HTR2C: variants seen among roughly 807,000 people sequenced by gnomAD.
HTR2C encodes the protein 5-hydroxytryptamine (serotonin) receptor 2C, G protein-coupled.
Under a neutral mutation model 21.0 loss-of-function variants are expected in HTR2C, and 5 were observed. The observed-to-expected ratio is 0.24, with a 90% confidence interval of 0.12 to 0.50. HTR2C has a LOEUF of 0.50. Among genes scored for constraint, HTR2C ranks in the 20% least tolerant of loss-of-function variants. The pLI, the probability that HTR2C is intolerant of heterozygous loss-of-function variation, is 0.98. For synonymous variants in HTR2C, 150 were observed against 145.3 expected, an observed-to-expected ratio of 1.03 and a Z score of -0.23; for missense variants, 271 against 371.2, an observed-to-expected ratio of 0.73 and a Z score of 2.22.
chrX:114,742,434 A>C (rs2147357334), intron 4 of HTR2C, among the ~76,000 whole-genome samples: 1 of 111,319 alleles, frequency 9.0e-6, no homozygotes, highest in East Asian at 2.8e-4. Flanking sequence ...ATGAAAACAA[A>C]ATACATTGAA....
At chrX:114,801,167 GC>G (rs1235553756) in intron 4 of HTR2C, among the ~76,000 whole-genome samples, 1 of 111,021 alleles carries the variant, frequency 9.0e-6, no homozygotes, top group African/African-American at 3.3e-5. Context: ...TTTCTATGTT[GC>G]TTAAGCATAC....
intron 4 of HTR2C, among the ~76,000 whole-genome samples, chrX:114,847,392 A>T (rs1166755393): frequency 1.2e-5 from 1 of 83,578 alleles, no homozygotes; most frequent in Non-Finnish European, 2.3e-5. Flanking sequence ...AACAATGAGA[A>T]CACATGGACA....
intron 5 of HTR2C, among the ~76,000 whole-genome samples, chrX:114,856,553 A>G (rs977735471): frequency 9.5e-6 from 1 of 105,549 alleles, no homozygotes; most frequent in Non-Finnish European, 2.0e-5. Flanking sequence ...GAGGCATCAC[A>G]CTACCTGACT....
chrX:114,809,389 G>T (rs200837762), intron 4 of HTR2C, among the ~76,000 whole-genome samples: 18 of 98,743 alleles, frequency 1.8e-4, no homozygotes, highest in Middle Eastern at 5.3e-3. Context: ...CCTTTTTTTT[G>T]TTGTTTTTTT....
At chrX:114,775,297 C>G (rs1209670708) in intron 4 of HTR2C, 2 of 526,153 alleles carry the variant, frequency 3.8e-6, no homozygotes, top group Non-Finnish European at 6.9e-6. Context: ...CTCTTGTCCA[C>G]AGCAGAGACA....
intron 2 of HTR2C, among the ~76,000 whole-genome samples, chrX:114,645,138 T>C (rs1930314556): frequency 9.0e-6 from 1 of 110,805 alleles, no homozygotes; most frequent in Non-Finnish European, 1.9e-5. Context: ...CTGATGGCAG[T>C]AATCCCTATT....
At chrX:114,662,247 A>G in intron 2 of HTR2C, among the ~76,000 whole-genome samples, 1 of 111,758 alleles carries the variant, frequency 8.9e-6, no homozygotes, top group East Asian at 2.8e-4. Flanking sequence ...TGAATATTTC[A>G]CTTAATTTTT....
chrX:114,615,411 G>A (rs1203652515), intron 2 of HTR2C, among the ~76,000 whole-genome samples: 2 of 111,848 alleles, frequency 1.8e-5, no homozygotes, highest in Admixed American at 9.5e-5. Context: ...AGTATAAAAT[G>A]TAAAATTTTG....
Position 114,789,680 on chromosome X carries a change from C to G in HTR2C, c.349+58073C>G, listed in dbSNP as rs142568926. On this transcript the variant is annotated intron_variant, in intron 4 of 5. Transcript: ENST00000276198. ...CAAAAGGAATTATTGCTAGCATACC[C>G]ACAACTAAGGTCAATATTGATAAGA... Among the ~76,000 whole-genome samples the G allele has an allele frequency of 3.9e-3, 430 of 111,135 alleles. 4 individuals are homozygous for G. Among genetic ancestry groups the G allele is most frequent in the African/African-American group, 0.014 (415 of 30,594 alleles).
At chrX:114,725,632 C>A (rs142220555) in intron 2 of HTR2C, among the ~76,000 whole-genome samples, 7,664 of 111,185 alleles carry the variant, frequency 0.069, 665 homozygotes, top group African/African-American at 0.24. Flanking sequence ...CTGTTTTTTC[C>A]CATCTTTGTG....
intron 2 of HTR2C, among the ~76,000 whole-genome samples, chrX:114,669,280 G>A (rs782030712): frequency 1.5e-4 from 17 of 111,437 alleles, no homozygotes; most frequent in Non-Finnish European, 3.2e-4. Flanking sequence ...TAATTCGCTG[G>A]TAATAAGTTA....
At chrX:114,858,795 GAAT>G (rs1259649349) in intron 5 of HTR2C, among the ~76,000 whole-genome samples, 1 of 110,268 alleles carries the variant, frequency 9.1e-6, no homozygotes, top group Non-Finnish European at 1.9e-5. Flanking sequence ...TCAACATTAA[GAAT>G]AATATTTGTA....
chrX:114,615,146 A>G (rs1308695849), intron 2 of HTR2C, among the ~76,000 whole-genome samples: 1 of 111,763 alleles, frequency 8.9e-6, no homozygotes, highest in Non-Finnish European at 1.9e-5. Flanking sequence ...TGTCTGCTGC[A>G]CATGTTAATA....
chrX:114,808,717 A>G (rs916167734), intron 4 of HTR2C, among the ~76,000 whole-genome samples: 1 of 111,826 alleles, frequency 8.9e-6, no homozygotes, highest in African/African-American at 3.3e-5. Flanking sequence ...CTGATGATCA[A>G]TGATAGTGAG....
chrX:114,762,467 G>A (rs1263378620), intron 4 of HTR2C, among the ~76,000 whole-genome samples: 1 of 111,111 alleles, frequency 9.0e-6, no homozygotes, highest in East Asian at 2.8e-4. Context: ...TTAATGAATA[G>A]CAGAAGACAA....
chrX:114,727,697 C>T (rs1479742788), intron 3 of HTR2C, among the ~76,000 whole-genome samples: 2 of 111,778 alleles, frequency 1.8e-5, no homozygotes, highest in Non-Finnish European at 3.8e-5. Flanking sequence ...AGGTAGTCTC[C>T]TTTATGATTC....
At chrX:114,780,055 A>G (rs1194244051) in intron 4 of HTR2C, among the ~76,000 whole-genome samples, 3 of 111,671 alleles carry the variant, frequency 2.7e-5, no homozygotes, top group Non-Finnish European at 5.6e-5. Flanking sequence ...AAAACAATAC[A>G]ATATAACAAG....
At chrX:114,690,340 A>G (rs192551686) in intron 2 of HTR2C, among the ~76,000 whole-genome samples, 1 of 112,020 alleles carries the variant, frequency 8.9e-6, no homozygotes, top group Admixed American at 9.5e-5. Flanking sequence ...CTTTCATTTA[A>G]TATGTGATAG....
chrX:114,751,208 A>G (rs1388457621), intron 4 of HTR2C, among the ~76,000 whole-genome samples: 2 of 102,370 alleles, frequency 2.0e-5, no homozygotes, highest in Admixed American at 1.1e-4. Flanking sequence ...AAAAGTGAAG[A>G]TCATTCATTT....
Sources: gnomAD v4.1 joint callset for allele counts (sites outside exome capture counted in the v4.1 genomes callset) on GRCh38, gnomAD v4.1.1 for gene constraint, MANE v1.5 for transcripts, NCBI Gene and HGNC (gene_info 2026-07-23, HGNC 2026-07-21) for gene names.